ACSL3: variants seen among roughly 807,000 people sequenced by gnomAD.
ACSL3 encodes the protein fatty acid CoA ligase Acsl3.
A neutral mutation model predicts 84.7 loss-of-function variants in ACSL3; 34 were observed. The observed-to-expected ratio is 0.40, with a 90% confidence interval of 0.31 to 0.53. ACSL3 has a LOEUF of 0.53. Among genes scored for constraint, ACSL3 ranks in the 20% least tolerant of loss-of-function variants. The pLI is 0.48. For synonymous variants in ACSL3, 315 were observed against 299.4 expected (o/e 1.05, Z -0.54); for missense variants, 680 against 873.1 (o/e 0.78, Z 2.79).
At chr2:222,881,359 A>T (rs1359574873) in intron 1 of ACSL3, among the ~76,000 whole-genome samples, 1 of 152,222 alleles carries the variant, frequency 6.6e-6, no homozygotes, top group Non-Finnish European at 1.5e-5. Context: ...GATATATAAT[A>T]ATTATGATCA....
chr2:222,938,504 T>C (rs1697229650), intron 16 of ACSL3, among the ~76,000 whole-genome samples: 1 of 152,234 alleles, frequency 6.6e-6, no homozygotes, highest in South Asian at 2.1e-4. Context: ...AGTTTTCTGC[T>C]GATAAATGAT....
At chr2:222,879,478 C>G (rs1479506004) in intron 1 of ACSL3, among the ~76,000 whole-genome samples, 1 of 152,152 alleles carries the variant, frequency 6.6e-6, no homozygotes, top group East Asian at 1.9e-4. Flanking sequence ...TCACCCATGC[C>G]TCCCTGTTAG....
intron 4 of ACSL3, among the ~76,000 whole-genome samples, chr2:222,913,551 C>G (rs1314062239): frequency 6.6e-6 from 1 of 152,142 alleles, no homozygotes; most frequent in Non-Finnish European, 1.5e-5. Context: ...ACATCCCTTA[C>G]AGCCTCCCCC....
chr2:222,862,807 C>G (rs960494728), intron 1 of ACSL3, among the ~76,000 whole-genome samples: 2 of 152,154 alleles, frequency 1.3e-5, no homozygotes, highest in South Asian at 2.1e-4. Flanking sequence ...CTTTGGATCT[C>G]AGTTACTGAA....
At chr2:222,927,993 G>T (rs1035480951) in intron 12 of ACSL3, among the ~76,000 whole-genome samples, 1 of 152,106 alleles carries the variant, frequency 6.6e-6, no homozygotes, top group Non-Finnish European at 1.5e-5. Flanking sequence ...TACATGCATA[G>T]GGGATTTCTT....
At chr2:222,899,174 C>A (rs918910178) in intron 2 of ACSL3, among the ~76,000 whole-genome samples, 5 of 152,186 alleles carry the variant, frequency 3.3e-5, no homozygotes, top group Admixed American at 3.3e-4. Flanking sequence ...GATAGTTTAA[C>A]CTTTGGATAG....
chr2:222,891,677 T>C (rs773641227), intron 2 of ACSL3, among the ~76,000 whole-genome samples: 1 of 152,192 alleles, frequency 6.6e-6, no homozygotes, highest in Non-Finnish European at 1.5e-5. Flanking sequence ...AATTTTAAAA[T>C]TACACTGGAT....
intron 2 of ACSL3, among the ~76,000 whole-genome samples, chr2:222,888,219 G>A (rs1249438921): frequency 3.9e-5 from 6 of 152,160 alleles, no homozygotes; most frequent in Non-Finnish European, 8.8e-5. Flanking sequence ...AAATTTGTAT[G>A]AATGTTACTG....
intron 2 of ACSL3, among the ~76,000 whole-genome samples, chr2:222,891,768 G>A (rs1695850072): frequency 6.6e-6 from 1 of 152,072 alleles, no homozygotes. Flanking sequence ...TATAATAAAT[G>A]TTCCTCCCTC....
chr2:222,887,239 C>A (rs915510005), intron 1 of ACSL3, among the ~76,000 whole-genome samples: 2 of 152,160 alleles, frequency 1.3e-5, no homozygotes, highest in African/African-American at 4.8e-5. Flanking sequence ...TCCTTCATGT[C>A]TTGTCATGGC....
At chr2:222,861,596 G>T (rs1256658107) in intron 1 of ACSL3, 2 of 152,290 alleles carry the variant, frequency 1.3e-5, no homozygotes, top group Non-Finnish European at 2.9e-5. Context: ...GGGCGGGGTG[G>T]GGAGGCCACC....
Position 222,934,620 on chromosome 2 carries a change from G to A in ACSL3, c.1938G>A (p.Glu646=). ...AGAAAGGACTTAAAGGGACTTGGGA[G>A]GAGCTGTGTAACAGTTGTGAAATGG... The part of the protein sequence containing the change: ...ARKKGLKGTW[E]ELCNSCEMEN... The change falls in exon 16 of 17, where the codon GAG becomes GAA. Residue 646 remains glutamate, a synonymous_variant. Transcript: ENST00000357430. The A allele has an allele frequency of 1.2e-6, 2 of 1,608,758 alleles. No homozygotes were observed. The highest frequency in any genetic ancestry group is 1.7e-6 in the Non-Finnish European group (2 of 1,178,224).
chr2:222,880,831 C>CAA (rs34509695), intron 1 of ACSL3, among the ~76,000 whole-genome samples: 1,350 of 75,610 alleles, frequency 0.018, 33 homozygotes, highest in African/African-American at 0.056. Flanking sequence ...CTCTGTCTCC[C>CAA]AAAAAAAAAA....
intron 12 of ACSL3, among the ~76,000 whole-genome samples, chr2:222,927,480 A>G (rs911587716): frequency 3.3e-5 from 5 of 152,216 alleles, no homozygotes; most frequent in Non-Finnish European, 5.9e-5. Context: ...TTTTGTGTAC[A>G]TTTATTTTCT....
intron 14 of ACSL3, 74 bp from the exon 15 acceptor site, chr2:222,933,092 A>G (rs909009091): frequency 1.2e-6 from 1 of 862,192 alleles, no homozygotes. Context: ...AATGGCCAGT[A>G]TTTATATATG....
intron 1 of ACSL3, among the ~76,000 whole-genome samples, chr2:222,866,391 C>T (rs892129558): frequency 1.4e-4 from 22 of 152,176 alleles, no homozygotes; most frequent in Non-Finnish European, 1.2e-4. Context: ...GTGATCCGCC[C>T]GCCTCGCCCT....
chr2:222,888,487 T>G (rs1695772909), intron 2 of ACSL3, among the ~76,000 whole-genome samples: 1 of 152,220 alleles, frequency 6.6e-6, no homozygotes, highest in African/African-American at 2.4e-5. Context: ...GTTGGTAAAG[T>G]GCTTTGATGA....
intron 10 of ACSL3, among the ~76,000 whole-genome samples, chr2:222,923,770 A>G (rs1696801409): frequency 1.5e-5 from 2 of 133,710 alleles, no homozygotes; most frequent in South Asian, 5.4e-4. Context: ...AGTTACTTCA[A>G]AGTCAAATAT....
In ACSL3 at chr2:222,927,185, C is replaced by T. The variant is rs143797919; in HGVS notation, c.1461C>T (p.Ser487=). 362 of 1,613,136 alleles carry T rather than the reference C, an allele frequency of 2.2e-4. 1 individual carries two copies. Among genetic ancestry groups the T allele is most frequent in the African/African-American group, 1.4e-3 (102 of 74,988 alleles). Residue 487 remains serine (S), a synonymous_variant, in exon 12 of 17, where the codon TCC becomes TCT. Coordinates refer to ENST00000357430, the MANE Select transcript of ACSL3 (RefSeq NM_004457.5). ...LTESAGAGTI[S]EVWDYNTGRV... ...AATCTGCTGGGGCTGGAACAATTTCCGAAGGTAGTGTTCTCCATGGTCAGA... is the reference window on the plus strand; with the variant it reads ...AATCTGCTGGGGCTGGAACAATTTCTGAAGGTAGTGTTCTCCATGGTCAGA...
Sources: gnomAD v4.1 joint callset for allele counts (sites outside exome capture counted in the v4.1 genomes callset) on GRCh38, gnomAD v4.1.1 for gene constraint, MANE v1.5 for transcripts, NCBI Gene and HGNC (gene_info 2026-07-23, HGNC 2026-07-21) for gene names.